Variants in EML3 observed in about 807,000 individuals in gnomAD.
EML3 encodes the protein echinoderm microtubule-associated protein-like 3.
Under a neutral mutation model 106.7 loss-of-function variants are expected in EML3, and 53 were observed. The ratio of observed to expected loss-of-function variants is 0.50; its 90% CI spans 0.40 to 0.62. EML3 has a LOEUF of 0.62. EML3 is among the 20% of genes least tolerant of loss of function. EML3 has a pLI of 0.00. For synonymous variants in EML3, 499 were observed against 489.6 expected, an observed-to-expected ratio of 1.02 and a Z score of -0.25; for missense variants, 994 against 1,209.1, an observed-to-expected ratio of 0.82 and a Z score of 2.64.
chr11:62,603,336 G>A, intron 19 of EML3, 89 bp from the exon 20 acceptor site: 3 of 1,245,132 alleles, frequency 2.4e-6, no homozygotes, highest in Non-Finnish European at 3.5e-6. Flanking sequence ...AGACTGGCAT[G>A]AAACCCGGCG....
At chr11:62,611,740 G>A (rs968569093) in intron 1 of EML3, 144 bp from the exon 2 acceptor site, 1 of 949,872 alleles carries the variant, frequency 1.1e-6, no homozygotes, top group South Asian at 1.8e-5. Context: ...GTCCAGAGGG[G>A]AGGAGACGGT....
chr11:62,611,827 C>T, intron 1 of EML3: 6 of 575,046 alleles, frequency 1.0e-5, no homozygotes, highest in Non-Finnish European at 1.5e-5. Context: ...GCCGTCTCAG[C>T]CTCCGCAAAG....
Position 62,610,961 on chromosome 11 carries a change from G to C in EML3, c.484C>G (p.Pro162Ala), listed in dbSNP as rs1451572407. Residue 162 changes from proline (P) to alanine (A), a missense_variant, in exon 4 of 22, where the codon CCC becomes GCC. This residue lies in a region of EML3 where 269 missense variants were observed against 265.1 expected (regional missense o/e 1.01). Transcript: ENST00000394773. ...AGCTTCTGCCGAGGCCGCTCTGAGG[G>C]GGATGAGGAGGAGGAAGAATTTCTT... ...PRRNSSSSSSPSERPRQKLSR... is the reference protein window; with the variant it reads ...PRRNSSSSSSASERPRQKLSR... The C allele has an allele frequency of 1.9e-6, 3 of 1,613,700 alleles. No homozygotes were observed. In the East Asian group the frequency reaches 6.7e-5, roughly 36 times the overall value.
At chr11:62,609,858 A>C (rs1055072574) in intron 4 of EML3, among the ~76,000 whole-genome samples, 162 bp from the exon 5 acceptor site, 1 of 152,196 alleles carries the variant, frequency 6.6e-6, no homozygotes, top group African/African-American at 2.4e-5. Flanking sequence ...GGAGACTTCT[A>C]GTTCCATTTA....
intron 1 of EML3, chr11:62,612,030 G>C (rs1942857740): frequency 2.7e-6 from 1 of 372,848 alleles, no homozygotes; most frequent in East Asian, 5.5e-5. Context: ...CGGGGTGCGG[G>C]AATGGAGTCA....
chr11:62,612,755 G>A lies in EML3; in HGVS notation c.-298C>T, dbSNP rs866691973. 210 of 295,434 alleles carry A rather than the reference G, an allele frequency of 7.1e-4. No homozygotes were observed. Among genetic ancestry groups the A allele is most frequent in the Admixed American group, 5.1e-3 (101 of 19,682 alleles). 18.3% of individuals were successfully genotyped at this position (295,434 alleles called of 1,614,324 possible). ...AGCGCCGCAGCACAAACAGGCGCCGGACGCGGAGCCGCCAGGAAGCGCGGG... is the reference window on the plus strand; with the variant it reads ...AGCGCCGCAGCACAAACAGGCGCCGAACGCGGAGCCGCCAGGAAGCGCGGG... On this transcript the variant is annotated 5_prime_UTR_variant, in exon 1 of 22. Transcript: ENST00000394773.
chr11:62,609,992 C>G (rs1170270279), intron 4 of EML3, among the ~76,000 whole-genome samples: 3 of 152,226 alleles, frequency 2.0e-5, no homozygotes, highest in Non-Finnish European at 2.9e-5. Context: ...CAGTCTCGCT[C>G]TGTCGCCCAG....
intron 4 of EML3, among the ~76,000 whole-genome samples, chr11:62,610,125 T>C (rs1335877964): frequency 6.6e-6 from 1 of 152,220 alleles, no homozygotes; most frequent in Non-Finnish European, 1.5e-5. Flanking sequence ...GCCCCGCTAT[T>C]GACCTTTTCA....
intron 4 of EML3, among the ~76,000 whole-genome samples, chr11:62,610,532 G>T (rs1398371548): frequency 6.6e-6 from 1 of 152,158 alleles, no homozygotes; most frequent in South Asian, 2.1e-4. Context: ...TGATGTAGTG[G>T]AAAGGGTAGG....
rs1376826709 is a variant in EML3 at position 62,606,220 on chromosome 11, G to A, written c.1505-6C>T. On this transcript the variant is annotated splice_region_variant and splice_polypyrimidine_tract_variant and intron_variant, in intron 12 of 21. Transcript: ENST00000394773. Reference sequence around the variant, plus strand: ...GGCCACAATCCCATAGGTCTCTGTTGGCAAAGCCCCAGGTAGATCATGTTT... The same window carrying A: ...GGCCACAATCCCATAGGTCTCTGTTAGCAAAGCCCCAGGTAGATCATGTTT... 1.9e-6 allele frequency: 3 copies of A among 1,613,468 alleles called. No homozygotes were observed. The East Asian group carries it at 6.7e-5, about 36-fold the overall frequency.
At position 62,608,243 on chromosome 11, in the gene EML3, C is replaced by A; in HGVS notation, c.1164G>T (p.Ser388=). 6.2e-7 allele frequency: 1 copy of A among 1,614,002 alleles called. No homozygotes were observed. The highest frequency in any genetic ancestry group is 1.1e-5 in the South Asian group (1 of 91,070). The part of the protein sequence containing the change: ...VVDDSNEHML[S]VWDCSRGMKL... ...TCATTCCCCGGCTGCAGTCCCACAC[C>A]GACAGCATGTGCTCATTGGAATCAT... The change falls in exon 10 of 22, where the codon TCG becomes TCT. Residue 388 remains serine, a synonymous_variant. Transcript: ENST00000394773.
chr11:62,606,738 T>C (rs1472172619), intron 12 of EML3, among the ~76,000 whole-genome samples: 1 of 152,162 alleles, frequency 6.6e-6, no homozygotes, highest in South Asian at 2.1e-4. Flanking sequence ...GTGCCTGTAC[T>C]TCCAGCTACT....
chr11:62,608,340 G>C, intron 9 of EML3, 44 bp from the exon 10 acceptor site: 1 of 1,550,492 alleles, frequency 6.4e-7, no homozygotes, highest in Non-Finnish European at 8.9e-7. Flanking sequence ...GAACCCTGGA[G>C]GTCCAGGGGT....
Position 62,603,017 on chromosome 11 carries a change from CCG to C in EML3, c.2356+130_2357-129del. ...GCGTTCCAGGCAAGCCTTCCCGGTC[CCG>C]AGGGGCCTCCTGGGCTGGATCTTCA... On this transcript the variant is annotated intron_variant, in intron 20 of 21. Transcript: ENST00000394773. 3 of 1,491,064 alleles carry C rather than the reference CCG, an allele frequency of 2.0e-6. No homozygotes were observed. The Admixed American group carries it at 6.4e-5, about 32-fold the overall frequency. 92.4% of individuals were successfully genotyped at this position (1,491,064 alleles called of 1,614,324 possible). A position where few individuals can be genotyped will look rare whatever the true frequency, so the allele number is the denominator to read the frequency against.
rs940102041 is a variant in EML3, at chr11:62,605,847, C to A, written c.1782+8G>T. 6.2e-7 allele frequency: 1 copy of A among 1,613,908 alleles called. No individual in the cohort carries two copies. Among genetic ancestry groups the A allele is most frequent in the African/African-American group, 1.3e-5 (1 of 75,054 alleles). Reference sequence around the variant, plus strand: ...GTCCCTTCCTCCCCTGAGCCCTTAACCCCCAACCTGGATTACAGGGGAGAA... The same window carrying A: ...GTCCCTTCCTCCCCTGAGCCCTTAAACCCCAACCTGGATTACAGGGGAGAA... On this transcript the variant is annotated splice_region_variant and intron_variant, in intron 14 of 21. Transcript: ENST00000394773. This position sits in a 1 kb window ranked among gnomAD's most constrained non-coding sequence, Gnocchi z 5.2.
intron 6 of EML3, 106 bp from the exon 7 acceptor site, chr11:62,609,238 G>A: frequency 6.4e-7 from 1 of 1,564,778 alleles, no homozygotes. Flanking sequence ...CAGAATGATG[G>A]TAGGAGAGGA....
chr11:62,606,082 ACCAACCCGGGCCC>A lies in EML3; in HGVS notation c.1624_1636del (p.Gly542TrpfsTer36). Reference sequence around the variant, plus strand: ...CCTCACCTCAGCCTCCTGGAGGGCCACCAACCCGGGCCCCCACTGTACCAGCCGGCGGTCCCGC... The same window carrying A: ...CCTCACCTCAGCCTCCTGGAGGGCCACCACTGTACCAGCCGGCGGTCCCGC... On this transcript the variant is annotated frameshift_variant, in exon 13 of 22. Coordinates refer to ENST00000394773, the MANE Select transcript of EML3 (RefSeq NM_153265.3). LOFTEE classifies it high-confidence loss of function. 2 of 1,613,902 alleles carry A rather than the reference ACCAACCCGGGCCC, an allele frequency of 1.2e-6. No individual in the cohort carries two copies. The highest frequency in any genetic ancestry group is 1.7e-6 in the Non-Finnish European group (2 of 1,179,996).
At chr11:62,609,212 C>A in intron 6 of EML3, 80 bp from the exon 7 acceptor site, 2 of 1,590,314 alleles carry the variant, frequency 1.3e-6, no homozygotes, top group South Asian at 1.1e-5. Context: ...GAGCTTCTGG[C>A]TGGCAGGGCC....
At position 62,608,240 on chromosome 11, in the gene EML3, C is replaced by T. The variant is rs1942630669; in HGVS notation, c.1167G>A (p.Val389=). The T allele has an allele frequency of 6.2e-7, 1 of 1,614,000 alleles. No homozygotes were observed. Among genetic ancestry groups the T allele is most frequent in the African/African-American group, 1.3e-5 (1 of 75,042 alleles). ...GCTTCATTCCCCGGCTGCAGTCCCA[C>T]ACCGACAGCATGTGCTCATTGGAAT... ...VDDSNEHMLS[V]WDCSRGMKLA... Residue 389 remains valine (V), a synonymous_variant, in exon 10 of 22, where the codon GTG becomes GTA. Coordinates refer to ENST00000394773, the MANE Select transcript of EML3 (RefSeq NM_153265.3).
Sources: gnomAD v4.1 joint callset for allele counts (sites outside exome capture counted in the v4.1 genomes callset) on GRCh38, gnomAD v4.1.1 for gene constraint, gnomAD v4.1.1 regional missense constraint, Gnocchi (gnomAD v3.1) non-coding constraint, MANE v1.5 for transcripts, NCBI Gene and HGNC (gene_info 2026-07-23, HGNC 2026-07-21) for gene names.